KANK1: variants seen among roughly 807,000 people sequenced by gnomAD.
The protein encoded by KANK1 is KN motif and ankyrin repeat domain-containing protein 1.
A neutral mutation model predicts 106.2 loss-of-function variants in KANK1; 109 were observed. The ratio of observed to expected loss-of-function variants is 1.03; its 90% confidence interval spans 0.88 to 1.20. KANK1 has a LOEUF of 1.20. KANK1 is among the 50% of genes most tolerant of loss of function. KANK1 has a pLI of 0.00. For missense variants in KANK1, 2,399 were observed against 1,710.7 expected (o/e 1.40, Z -7.10); for synonymous variants, 873 against 652.2 (o/e 1.34, Z -5.16).
At chr9:600,587 G>A (rs1827491343) in intron 1 of KANK1, among the ~76,000 whole-genome samples, 1 of 151,804 alleles carries the variant, frequency 6.6e-6, no homozygotes, top group Non-Finnish European at 1.5e-5. Flanking sequence ...ATGCATTGTG[G>A]ATCCAACTTC....
intron 1 of KANK1, among the ~76,000 whole-genome samples, chr9:596,170 C>A (rs1826158625): frequency 6.6e-6 from 1 of 151,802 alleles, no homozygotes. Context: ...TGTGAAATTT[C>A]CACTTTTGGT....
chr9:586,469 G>C (rs1467495285), intron 1 of KANK1, among the ~76,000 whole-genome samples: 2 of 152,160 alleles, frequency 1.3e-5, no homozygotes, highest in Non-Finnish European at 2.9e-5. Flanking sequence ...AAGGGGTAGA[G>C]AGCAGCTGGA....
At chr9:718,906 T>C (rs1828509215) in intron 3 of KANK1, among the ~76,000 whole-genome samples, 1 of 150,702 alleles carries the variant, frequency 6.6e-6, no homozygotes, top group African/African-American at 2.4e-5. Flanking sequence ...TACTGCCTGT[T>C]CCCCAAACCA....
intron 2 of KANK1, among the ~76,000 whole-genome samples, chr9:702,503 T>G (rs1399085436): frequency 6.6e-6 from 1 of 151,994 alleles, no homozygotes; most frequent in East Asian, 1.9e-4. Flanking sequence ...ACTAGAGAGA[T>G]AGAGAAAGAG....
At chr9:735,235 A>G (rs891753410) in intron 7 of KANK1, among the ~76,000 whole-genome samples, 3 of 152,202 alleles carry the variant, frequency 2.0e-5, no homozygotes, top group African/African-American at 7.2e-5. Context: ...AAAGAAACCT[A>G]TCTGAGCCAA....
chr9:650,806 G>A (rs2031176), intron 1 of KANK1, among the ~76,000 whole-genome samples: 97,351 of 151,998 alleles, frequency 0.64, 34,106 homozygotes, highest in African/African-American at 0.91. Context: ...AAGAAATGTT[G>A]CAGTCCATGG....
intron 2 of KANK1, chr9:707,336 C>T: frequency 1.6e-6 from 1 of 635,678 alleles, no homozygotes; most frequent in Non-Finnish European, 2.0e-6. Flanking sequence ...AAGGTGCGCA[C>T]TGCTGGGCCG....
chr9:703,295 A>T (rs996630378), intron 2 of KANK1, among the ~76,000 whole-genome samples: 1 of 152,006 alleles, frequency 6.6e-6, no homozygotes, highest in Admixed American at 6.6e-5. Flanking sequence ...CATGGCCTGC[A>T]TTGTTGATAT....
chr9:573,427 G>A (rs960193269), intron 1 of KANK1, among the ~76,000 whole-genome samples: 7 of 152,036 alleles, frequency 4.6e-5, no homozygotes, highest in African/African-American at 7.3e-5. Flanking sequence ...CCGCCACCAC[G>A]CGTGGCTAAT....
rs1460114971 is a variant in KANK1 at position 686,864 on chromosome 9, A to G, written c.37+9855A>G. 4 of 985,206 alleles carry G rather than the reference A, an allele frequency of 4.1e-6. No homozygotes were observed. The Admixed American group carries it at 2.5e-4, about 61-fold the overall frequency. 61.0% of individuals were successfully genotyped at this position (985,206 alleles called of 1,614,324 possible). ...TAGAAAACAGCAGCTGGAATTCACA[A>G]CACCTCAGGACACTGATTGTAAATG... On this transcript the variant is annotated intron_variant, in intron 2 of 11. Transcript: ENST00000382297.
chr9:716,573 G>T (rs1451360972), intron 3 of KANK1, among the ~76,000 whole-genome samples: 1 of 152,154 alleles, frequency 6.6e-6, no homozygotes, highest in African/African-American at 2.4e-5. Context: ...GAGTCATTCA[G>T]AATCCGTGTC....
chr9:690,153 A>AAAAC (rs1460007945), intron 2 of KANK1, among the ~76,000 whole-genome samples: 3 of 149,926 alleles, frequency 2.0e-5, no homozygotes, highest in South Asian at 2.1e-4. Flanking sequence ...AAAAAAAAAA[A>AAAAC]AAACTAGCTG....
At chr9:616,097 C>T (rs1446713731) in intron 1 of KANK1, among the ~76,000 whole-genome samples, 2 of 152,190 alleles carry the variant, frequency 1.3e-5, no homozygotes, top group Admixed American at 6.5e-5. Context: ...GCACCACATC[C>T]ACTGAAGCTC....
At chr9:501,290 G>A (rs1015607438), upstream of KANK1, among the ~76,000 whole-genome samples, 3 of 151,988 alleles carry the variant, frequency 2.0e-5, no homozygotes, top group African/African-American at 4.8e-5. Flanking sequence ...ACCAGACAAC[G>A]CACTGACTGG....
chr9:741,345 G>A (rs1025339206), intron 9 of KANK1, among the ~76,000 whole-genome samples: 9 of 151,232 alleles, frequency 6.0e-5, no homozygotes, highest in Non-Finnish European at 1.0e-4. Context: ...TTTAAGAGAC[G>A]GTCTTGCTCT....
intron 2 of KANK1, among the ~76,000 whole-genome samples, chr9:692,983 C>T (rs1820338089): frequency 6.6e-6 from 1 of 151,872 alleles, no homozygotes; most frequent in Non-Finnish European, 1.5e-5. Context: ...GCCTAAGTGA[C>T]AGAGTGATAC....
chr9:504,733 A>G lies in KANK1; in HGVS notation c.-105A>G, dbSNP rs2058648841. On this transcript the variant is annotated 5_prime_UTR_variant, in exon 1 of 12. Coordinates refer to ENST00000382297, the MANE Select transcript of KANK1 (RefSeq NM_015158.5). ...GCGGCGGAGCGAGCGAGCGGCCGGC[A>G]GGTTGGGAGGAGCGGCCGAAGGTGA... 7.4e-6 allele frequency: 1 copy of G among 135,194 alleles called. No homozygotes were observed. The highest frequency in any genetic ancestry group is 8.0e-5 in the Admixed American group (1 of 12,558). The allele number at this position is 135,194 out of a possible 1,614,324, so 8.4% of individuals were successfully genotyped here.
rs58002665 is a variant in KANK1, at chr9:693,863, G to A, written c.37+16854G>A. On this transcript the variant is annotated intron_variant, in intron 2 of 11. Coordinates refer to ENST00000382297, the MANE Select transcript of KANK1 (RefSeq NM_015158.5). ...GTGGGGGTTGGTGAAATATAAACTC[G>A]AGCTCTGTGTGTTGTGAAAAAGATT... The A allele has an allele frequency of 3.0e-3, 2,877 of 947,882 alleles. 46 individuals carry two copies. In the African/African-American group the frequency reaches 0.043, roughly 14 times the overall value. The allele number at this position is 947,882 out of a possible 1,614,324, so 58.7% of individuals were successfully genotyped here. A position where few individuals can be genotyped will look rare whatever the true frequency, so the allele number is the denominator to read the frequency against.
At chr9:733,404 C>G (rs946952898) in intron 6 of KANK1, 1 of 152,166 alleles carries the variant, frequency 6.6e-6, no homozygotes, top group African/African-American at 2.4e-5. Flanking sequence ...TTTCACATGG[C>G]TTTTTAACAG....
Sources: gnomAD v4.1 joint callset for allele counts (sites outside exome capture counted in the v4.1 genomes callset) on GRCh38, gnomAD v4.1.1 for gene constraint, MANE v1.5 for transcripts, NCBI Gene and HGNC (gene_info 2026-07-23, HGNC 2026-07-21) for gene names.